CMTM4: variants seen among roughly 807,000 people sequenced by gnomAD.
The protein encoded by CMTM4 is CKLF-like MARVEL transmembrane domain-containing protein 4.
In CMTM4, 8 loss-of-function variants were observed where a neutral mutation model predicts 19.0. The observed-to-expected ratio is 0.42, with a 90% confidence interval of 0.25 to 0.76. The LOEUF (loss-of-function observed/expected upper bound fraction) is 0.76. CMTM4 is among the 30% of genes least tolerant of loss of function. The pLI, the probability that CMTM4 is intolerant of heterozygous loss-of-function variation, is 0.27. For missense variants in CMTM4, 228 were observed against 290.2 expected, an observed-to-expected ratio of 0.79 and a Z score of 1.56; for synonymous variants, 106 against 121.1, an observed-to-expected ratio of 0.88 and a Z score of 0.82.
rs144529496 is a variant in CMTM4, at chr16:66,676,031, A to T, written c.186+20309T>A. On this transcript the variant is annotated intron_variant, in intron 1 of 3. Transcript: ENST00000394106. ...CATGCCACCATGCCCAGCTAAAAAAAAAATAAATAAATCACACTCTAACGG... is the reference window on the plus strand; with the variant it reads ...CATGCCACCATGCCCAGCTAAAAAATAAATAAATAAATCACACTCTAACGG... Among the ~76,000 whole-genome samples, 1,292 of 152,270 alleles carry T rather than the reference A, an allele frequency of 8.5e-3. 10 individuals carry two copies. Among genetic ancestry groups the T allele is most frequent in the Middle Eastern group, 0.017 (5 of 294 alleles).
chr16:66,653,903 T>G (rs954651852), intron 1 of CMTM4, among the ~76,000 whole-genome samples: 4 of 151,946 alleles, frequency 2.6e-5, no homozygotes, highest in African/African-American at 9.7e-5. Context: ...CCTGGCTAAT[T>G]TTTATGTGTT....
intron 1 of CMTM4, among the ~76,000 whole-genome samples, chr16:66,646,023 T>C (rs150708491): frequency 2.1e-3 from 312 of 151,992 alleles, no homozygotes; most frequent in African/African-American, 7.3e-3. Flanking sequence ...CCATGGTGAA[T>C]AAACAACAGC....
At chr16:66,680,897 C>T (rs2016902783) in intron 1 of CMTM4, among the ~76,000 whole-genome samples, 1 of 151,514 alleles carries the variant, frequency 6.6e-6, no homozygotes, top group Admixed American at 6.6e-5. Context: ...CTTCTTTTCT[C>T]ACTGGATCTA....
At chr16:66,691,479 T>C (rs184297828) in intron 1 of CMTM4, among the ~76,000 whole-genome samples, 160 of 152,146 alleles carry the variant, frequency 1.1e-3, no homozygotes, top group African/African-American at 3.7e-3. Flanking sequence ...AGAGGAAGGA[T>C]TGCTTGAGCT....
intron 1 of CMTM4, among the ~76,000 whole-genome samples, chr16:66,645,591 AC>A (rs2016179024): frequency 6.6e-6 from 1 of 151,752 alleles, no homozygotes; most frequent in Non-Finnish European, 1.5e-5. Flanking sequence ...AAAACAAAAA[AC>A]TGTAACTGTG....
At chr16:66,647,526 C>T (rs1253134297) in intron 1 of CMTM4, among the ~76,000 whole-genome samples, 1 of 151,838 alleles carries the variant, frequency 6.6e-6, no homozygotes, top group African/African-American at 2.4e-5. Flanking sequence ...TCTGATACAC[C>T]ATTGGGGGTA....
the CMTM4 span, among the ~76,000 whole-genome samples, chr16:66,603,232 T>C: frequency 6.6e-6 from 1 of 152,132 alleles, no homozygotes; most frequent in Non-Finnish European, 1.5e-5. Context: ...TGAGAAATGG[T>C]AGAGGAACAG....
chr16:66,688,251 G>A (rs2017071790), intron 1 of CMTM4, among the ~76,000 whole-genome samples: 1 of 152,106 alleles, frequency 6.6e-6, no homozygotes, highest in Non-Finnish European at 1.5e-5. Flanking sequence ...ATCACACTGG[G>A]TGTTAGGTTC....
chr16:66,646,908 C>T (rs1254345677), intron 1 of CMTM4, among the ~76,000 whole-genome samples: 1 of 151,760 alleles, frequency 6.6e-6, no homozygotes, highest in Admixed American at 6.6e-5. Flanking sequence ...GGTTTCACCA[C>T]GTTGGCCAGG....
rs867810621 is a variant in CMTM4 at position 66,657,567 on chromosome 16, G to A, written c.187-20986C>T. Among the ~76,000 whole-genome samples the A allele has an allele frequency of 9.2e-5, 14 of 152,290 alleles. No individual in the cohort carries two copies. In the South Asian group the frequency reaches 1.9e-3, roughly 20 times the overall value. ...AACACACAGAGAGAGAGAGACAGTA[G>A]AGGAAGGATAAAGCTAATATGGTGA... On this transcript the variant is annotated intron_variant, in intron 1 of 3. Transcript: ENST00000394106.
chr16:66,684,296 C>T (rs2016994840), intron 1 of CMTM4, among the ~76,000 whole-genome samples: 1 of 152,128 alleles, frequency 6.6e-6, no homozygotes, highest in African/African-American at 2.4e-5. Context: ...GCCTCATCCT[C>T]CCGAGTAGCT....
downstream of CMTM4, chr16:66,609,833 C>T: frequency 6.2e-7 from 1 of 1,614,134 alleles, no homozygotes; most frequent in South Asian, 1.1e-5. This position sits in a 1 kb window ranked among gnomAD's most constrained non-coding sequence, Gnocchi z 4.4. Flanking sequence ...CAGCAGCCTC[C>T]CGGAGCAGGG....
chr16:66,642,368 T>C (rs900270934), intron 1 of CMTM4, among the ~76,000 whole-genome samples: 8 of 152,110 alleles, frequency 5.3e-5, no homozygotes, highest in Admixed American at 4.6e-4. Context: ...TTGGAGAGAG[T>C]CCTTTCCAGG....
In CMTM4 at chr16:66,657,554, G is replaced by A. The variant is rs192857012; in HGVS notation, c.187-20973C>T. ...ATACAGATATATAAACACACAGAGA[G>A]AGAGAGACAGTAGAGGAAGGATAAA... On this transcript the variant is annotated intron_variant, in intron 1 of 3. Coordinates refer to ENST00000394106, the MANE Select transcript of CMTM4 (RefSeq NM_181521.3). Among the ~76,000 whole-genome samples the A allele has an allele frequency of 2.2e-3, 337 of 152,332 alleles. 1 individual carries two copies. The highest frequency in any genetic ancestry group is 7.6e-3 in the African/African-American group (314 of 41,574).
At chr16:66,683,161 GTATATA>G (rs201948614) in intron 1 of CMTM4, among the ~76,000 whole-genome samples, 2 of 81,504 alleles carry the variant, frequency 2.5e-5, no homozygotes, top group Non-Finnish European at 4.7e-5. Context: ...ATATATATAC[GTATATA>G]TATATATACA....
At chr16:66,688,270 G>C (rs1164778348) in intron 1 of CMTM4, among the ~76,000 whole-genome samples, 1 of 152,142 alleles carries the variant, frequency 6.6e-6, no homozygotes, top group East Asian at 1.9e-4. Flanking sequence ...TCCAACATCT[G>C]AATTTTGGGG....
In CMTM4 at chr16:66,621,807, G is replaced by A. The variant is rs2015640726; in HGVS notation, c.*251C>T. On this transcript the variant is annotated 3_prime_UTR_variant, in exon 4 of 4. Transcript: ENST00000394106. The stretch of plus-strand genomic sequence containing the variant: ...CAAAGGAAGCCTGTGCTTCAGGGCA[G>A]GTAAGACCTCAAGTGGACCTGGGCA... 9 of 1,340,018 alleles carry A rather than the reference G, an allele frequency of 6.7e-6. No homozygotes were observed. In the South Asian group the frequency reaches 1.1e-4, roughly 17 times the overall value. 83.0% of individuals were successfully genotyped at this position (1,340,018 alleles called of 1,614,324 possible). A position where few individuals can be genotyped will look rare whatever the true frequency, so the allele number is the denominator to read the frequency against.
At chr16:66,655,061 ACAACCTCCGCCACCCAGGCTCAAGC>A (rs1006302397) in intron 1 of CMTM4, among the ~76,000 whole-genome samples, 1 of 152,018 alleles carries the variant, frequency 6.6e-6, no homozygotes, top group African/African-American at 2.4e-5. Flanking sequence ...TGTGCTCACT[ACAACCTCCGCCACCCAGGCTCAAGC>A]CAACCTCCCA....
At position 66,636,595 on chromosome 16, in the gene CMTM4, T is replaced by C; in HGVS notation, c.187-14A>G. ...CAGGGCCAAGATCTAGGAAGAAAAT[T>C]GGAAACATATATGTACGTATATGTT... On this transcript the variant is annotated splice_polypyrimidine_tract_variant and intron_variant, in intron 1 of 3. Coordinates refer to ENST00000394106, the MANE Select transcript of CMTM4 (RefSeq NM_181521.3). The C allele has an allele frequency of 4.3e-6, 7 of 1,609,990 alleles. No homozygotes were observed. The highest frequency in any genetic ancestry group is 6.0e-6 in the Non-Finnish European group (7 of 1,176,394).
Sources: allele counts gnomAD v4.1 joint callset (sites outside exome capture counted in the v4.1 genomes callset), GRCh38; gene constraint gnomAD v4.1.1; non-coding constraint Gnocchi (gnomAD v3.1); transcripts MANE v1.5; gene names NCBI Gene and HGNC (gene_info 2026-07-23, HGNC 2026-07-21).